Variants in TRHDE observed in about 807,000 individuals in gnomAD.
The protein encoded by TRHDE is thyrotropin-releasing hormone-degrading ectoenzyme.
In TRHDE, 72 loss-of-function variants were observed where a neutral mutation model predicts 125.7. The observed-to-expected ratio is 0.57, with a 90% CI of 0.47 to 0.70. The LOEUF (loss-of-function observed/expected upper bound fraction) is 0.70. TRHDE is among the 30% of genes least tolerant of loss of function. The pLI, the probability that TRHDE is intolerant of heterozygous loss-of-function variation, is 0.00. For synonymous variants in TRHDE, 509 were observed against 509.1 expected, an observed-to-expected ratio of 1.00 and a Z score of 0.00; for missense variants, 1,110 against 1,327.1, an observed-to-expected ratio of 0.84 and a Z score of 2.54.
chr12:72,155,871 G>A lies in TRHDE; in HGVS notation n.279+50119G>A, dbSNP rs147405655. ...CACTTGAGGAGGGTCCCTTCTGTCCGTTCTCAAATCTCTAGCTGCGTGCTG... is the reference window on the plus strand; with the variant it reads ...CACTTGAGGAGGGTCCCTTCTGTCCATTCTCAAATCTCTAGCTGCGTGCTG... On this transcript the variant is annotated intron_variant and non_coding_transcript_variant, in intron 2 of 4. Transcript: ENST00000548156. 1.8e-4 allele frequency among the ~76,000 whole-genome samples: 27 copies of A among 152,270 alleles called. No individual in the cohort carries two copies. The East Asian group carries it at 3.1e-3, about 17-fold the overall frequency.
Position 72,427,452 on chromosome 12 carries a change from T to C in TRHDE, c.1316-42306T>C, listed in dbSNP as rs570675994. Among the ~76,000 whole-genome samples, 5 of 152,236 alleles carry C rather than the reference T, an allele frequency of 3.3e-5. No individual in the cohort carries two copies. In the South Asian group the frequency reaches 1.0e-3, roughly 32 times the overall value. ...TGTAGTATGATTTCCTTTTAGCTCA[T>C]GGAAGATATCACACTAGAGGACTCA... On this transcript the variant is annotated intron_variant, in intron 3 of 18. Transcript: ENST00000261180.
At chr12:72,512,629 CAT>C (rs935365192) in intron 6 of TRHDE, among the ~76,000 whole-genome samples, 4 of 137,286 alleles carry the variant, frequency 2.9e-5, no homozygotes, top group African/African-American at 8.1e-5. Context: ...TCATATATAT[CAT>C]ATTATCATAT....
chr12:72,238,349 A>ATG (rs1201140429), intron 2 of TRHDE, among the ~76,000 whole-genome samples: 1 of 67,138 alleles, frequency 1.5e-5, no homozygotes, highest in African/African-American at 4.8e-5. Flanking sequence ...TTATATATAT[A>ATG]TATATATATA....
upstream of TRHDE, among the ~76,000 whole-genome samples, chr12:72,268,061 AAAATTTCATCAAATGATCAGTTTC>A (rs1210144060): frequency 6.6e-6 from 1 of 152,178 alleles, no homozygotes; most frequent in Non-Finnish European, 1.5e-5. Context: ...CTCCAAATTA[AAAATTTCATCAAATGATCAGTTTC>A]AAATTTCAAA....
At chr12:72,128,561 G>A (rs1283012473) in intron 2 of TRHDE, among the ~76,000 whole-genome samples, 1 of 152,154 alleles carries the variant, frequency 6.6e-6, no homozygotes, top group Non-Finnish European at 1.5e-5. Flanking sequence ...AAAAACTCAA[G>A]TAGAGGTATA....
Position 72,504,460 on chromosome 12 carries a change from C to T in TRHDE, c.1722+4825C>T, listed in dbSNP as rs573227730. Among the ~76,000 whole-genome samples the T allele has an allele frequency of 2.9e-4, 44 of 152,186 alleles. No homozygotes were observed. The South Asian group carries it at 8.1e-3, about 28-fold the overall frequency. ...CTGGGACTATGGGTGCCCACCACCA[C>T]GACTGGCTAATTCTTGTATTTTTAG... On this transcript the variant is annotated intron_variant, in intron 6 of 18. Coordinates refer to ENST00000261180, the MANE Select transcript of TRHDE (RefSeq NM_013381.3).
intron 15 of TRHDE, among the ~76,000 whole-genome samples, chr12:72,650,664 G>C (rs1255757262): frequency 6.6e-6 from 1 of 151,876 alleles, no homozygotes; most frequent in Non-Finnish European, 1.5e-5. Flanking sequence ...TTGATTGATG[G>C]GTTAGTGATT....
At chr12:72,419,611 G>A (rs1167558395) in intron 3 of TRHDE, among the ~76,000 whole-genome samples, 2 of 152,204 alleles carry the variant, frequency 1.3e-5, no homozygotes, top group African/African-American at 4.8e-5. Flanking sequence ...CCAAGGGAAT[G>A]GTGCTAACCA....
chr12:72,354,650 T>G (rs1217272599), intron 2 of TRHDE, among the ~76,000 whole-genome samples: 1 of 149,550 alleles, frequency 6.7e-6, no homozygotes, highest in Non-Finnish European at 1.5e-5. Context: ...TATAATAATT[T>G]TGTAAAATAA....
chr12:72,488,009 T>C (rs1179170266), intron 5 of TRHDE, among the ~76,000 whole-genome samples: 3 of 150,284 alleles, frequency 2.0e-5, no homozygotes, highest in Non-Finnish European at 4.4e-5. Context: ...AAAAAAAAAT[T>C]CAACAGATAC....
chr12:72,420,972 A>AT (rs1187188525), intron 3 of TRHDE, among the ~76,000 whole-genome samples: 4,784 of 143,342 alleles, frequency 0.033, 194 homozygotes, highest in African/African-American at 0.1. Context: ...GATTGGTATG[A>AT]TTTTTTTTTT....
intron 2 of TRHDE, among the ~76,000 whole-genome samples, chr12:72,371,784 T>G (rs1361202151): frequency 2.0e-5 from 3 of 152,194 alleles, no homozygotes; most frequent in Non-Finnish European, 4.4e-5. Context: ...CTTAATCCAA[T>G]CTATCATTGT....
chr12:72,589,698 T>C (rs924783848), intron 12 of TRHDE, among the ~76,000 whole-genome samples: 6 of 152,120 alleles, frequency 3.9e-5, no homozygotes, highest in East Asian at 3.8e-4. Flanking sequence ...GATAGACTTA[T>C]ATATAATATT....
Position 72,482,785 on chromosome 12 carries a change from C to T in TRHDE, c.1584+9605C>T, listed in dbSNP as rs185961387. 2.6e-5 allele frequency among the ~76,000 whole-genome samples: 4 copies of T among 151,952 alleles called. No homozygotes were observed. The East Asian group carries it at 5.8e-4, about 22-fold the overall frequency. On this transcript the variant is annotated intron_variant, in intron 5 of 18. Coordinates refer to ENST00000261180, the MANE Select transcript of TRHDE (RefSeq NM_013381.3). ...ATTTGGCATTAATTACATTCTGTTC[C>T]TAACTATTTGCATGACTGGTCCAAT...
intron 3 of TRHDE, among the ~76,000 whole-genome samples, chr12:72,432,584 A>G (rs755517395): frequency 1.5e-4 from 23 of 151,976 alleles, no homozygotes; most frequent in Non-Finnish European, 8.8e-5. Flanking sequence ...TCTTTTCCCT[A>G]TAGTTTTTCC....
intron 2 of TRHDE, among the ~76,000 whole-genome samples, chr12:72,320,814 C>T (rs1869056245): frequency 6.6e-6 from 1 of 152,080 alleles, no homozygotes; most frequent in Non-Finnish European, 1.5e-5. Context: ...CTGTTACTAG[C>T]TGTGTGGCCT....
At chr12:72,133,851 C>G (rs559573778) in intron 2 of TRHDE, among the ~76,000 whole-genome samples, 54 of 152,284 alleles carry the variant, frequency 3.5e-4, no homozygotes, top group Admixed American at 1.5e-3. Context: ...TCTCCTTTCA[C>G]CTCCTCCTCA....
chr12:72,316,644 C>T (rs1868816696), intron 2 of TRHDE, among the ~76,000 whole-genome samples: 1 of 152,202 alleles, frequency 6.6e-6, no homozygotes, highest in African/African-American at 2.4e-5. Flanking sequence ...ATCATCCATA[C>T]ATGCTCTTTT....
At chr12:72,182,001 T>G (rs1361579296) in intron 2 of TRHDE, among the ~76,000 whole-genome samples, 1 of 152,210 alleles carries the variant, frequency 6.6e-6, no homozygotes, top group Non-Finnish European at 1.5e-5. Context: ...ATGTGGAGTT[T>G]GGGTAGAAAT....
Sources: gnomAD v4.1 joint callset for allele counts (sites outside exome capture counted in the v4.1 genomes callset) on GRCh38, gnomAD v4.1.1 for gene constraint, MANE v1.5 for transcripts, NCBI Gene and HGNC (gene_info 2026-07-23, HGNC 2026-07-21) for gene names.